Variants in KAZN observed in about 807,000 individuals in gnomAD.
KAZN encodes the protein kazrin.
KAZN carries 40 observed loss-of-function variants against 87.4 expected under a neutral mutation model. The observed-to-expected ratio is 0.46, with a 90% CI of 0.36 to 0.60. The LOEUF (loss-of-function observed/expected upper bound fraction) is 0.60, where lower values mean the gene tolerates loss of function less well. Ranked by LOEUF, KAZN falls within the 20% of genes least tolerant of loss-of-function variation. The probability of loss-of-function intolerance (pLI) is 0.00; values close to 1 mark genes in which losing one functional copy is unlikely to be tolerated. For missense variants in KAZN, 898 were observed against 1,073.9 expected (o/e 0.84, Z 2.29); for synonymous variants, 466 against 458.3 (o/e 1.02, Z -0.22).
chr1:14,853,868 G>A (rs956746836), intron 1 of KAZN, among the ~76,000 whole-genome samples: 3 of 152,162 alleles, frequency 2.0e-5, no homozygotes, highest in African/African-American at 4.8e-5. Context: ...GATGGGGAAC[G>A]GTGGCCTGTG....
intron 1 of KAZN, among the ~76,000 whole-genome samples, chr1:14,885,068 G>A (rs765517692): frequency 6.6e-6 from 1 of 152,200 alleles, no homozygotes; most frequent in African/African-American, 2.4e-5. Flanking sequence ...ATTATCCGTC[G>A]GTATCAAGCA....
chr1:14,058,637 T>A (rs917542817), intron 1 of KAZN, among the ~76,000 whole-genome samples: 1 of 152,126 alleles, frequency 6.6e-6, no homozygotes, highest in Admixed American at 6.5e-5. Flanking sequence ...ATCTCAATAG[T>A]TCAGGAACTA....
Position 15,094,443 on chromosome 1 carries a change from A to G in KAZN, c.1428+58A>G, listed in dbSNP as rs1573293148. On this transcript the variant is annotated intron_variant, in intron 9 of 14. Coordinates refer to ENST00000376030, the MANE Select transcript of KAZN (RefSeq NM_201628.3). This position sits in a 1 kb window ranked among gnomAD's most constrained non-coding sequence, Gnocchi z 4.5. ...CCCATGCCCTCTGTGAGCTTTACGT[A>G]CCCAGAAGCTGGCCTGCCCCCCACT... is the stretch of plus-strand genomic sequence containing the variant. 1.3e-6 allele frequency: 2 copies of G among 1,492,116 alleles called. No homozygotes were observed. The highest frequency in any genetic ancestry group is 1.4e-5 in the African/African-American group (1 of 72,282). The allele number at this position is 1,492,116 out of a possible 1,614,324, so 92.4% of individuals were successfully genotyped here.
intron 1 of KAZN, among the ~76,000 whole-genome samples, chr1:14,898,128 A>G (rs1003847809): frequency 2.0e-5 from 3 of 152,208 alleles, no homozygotes; most frequent in African/African-American, 4.8e-5. Context: ...GTTATAAGCG[A>G]GAATCCATTA....
At chr1:15,002,567 C>T (rs1443252774) in intron 2 of KAZN, among the ~76,000 whole-genome samples, 4 of 152,174 alleles carry the variant, frequency 2.6e-5, no homozygotes, top group Non-Finnish European at 4.4e-5. Flanking sequence ...TTCCCGGAAC[C>T]TAAGTTTCCT....
At chr1:14,421,102 A>G (rs1665393887) in intron 2 of KAZN, among the ~76,000 whole-genome samples, 1 of 152,236 alleles carries the variant, frequency 6.6e-6, no homozygotes, top group South Asian at 2.1e-4. Context: ...GGTCTTAAAC[A>G]CTATGCCTTA....
chr1:14,353,797 AG>A (rs1658763325), intron 2 of KAZN, among the ~76,000 whole-genome samples: 1 of 152,230 alleles, frequency 6.6e-6, no homozygotes, highest in Admixed American at 6.5e-5. Context: ...CTAAGTATAA[AG>A]ATATGCCATC....
At chr1:14,586,022 C>G (rs927145562) in intron 2 of KAZN, among the ~76,000 whole-genome samples, 1 of 152,174 alleles carries the variant, frequency 6.6e-6, no homozygotes, top group Non-Finnish European at 1.5e-5. Context: ...CAGCTGTTCC[C>G]TAGTGGGGGT....
intron 2 of KAZN, among the ~76,000 whole-genome samples, chr1:14,181,377 G>T (rs1222593078): frequency 6.6e-6 from 1 of 152,228 alleles, no homozygotes; most frequent in East Asian, 1.9e-4. Context: ...CAGCATTGCT[G>T]AGGTCAGAAT....
intron 2 of KAZN, among the ~76,000 whole-genome samples, chr1:14,436,510 G>A (rs571039904): frequency 6.6e-5 from 10 of 151,862 alleles, no homozygotes; most frequent in African/African-American, 2.2e-4. Flanking sequence ...CTGAGGTCAG[G>A]AGTTCGAGAC....
At chr1:14,292,991 G>T (rs1024491284) in intron 2 of KAZN, among the ~76,000 whole-genome samples, 2 of 152,208 alleles carry the variant, frequency 1.3e-5, no homozygotes, top group Non-Finnish European at 2.9e-5. Context: ...GAGCATGCTG[G>T]TGAAGTGGGC....
chr1:14,925,159 A>C (rs1659035889), intron 1 of KAZN, among the ~76,000 whole-genome samples: 1 of 152,174 alleles, frequency 6.6e-6, no homozygotes, highest in Non-Finnish European at 1.5e-5. Context: ...CCAAGTGGAG[A>C]ACAGCGTTTT....
chr1:14,542,503 T>G (rs1672875726), intron 2 of KAZN, among the ~76,000 whole-genome samples: 1 of 152,176 alleles, frequency 6.6e-6, no homozygotes, highest in Admixed American at 6.5e-5. Context: ...TACTTCAGAT[T>G]TTAAGGACCC....
intron 10 of KAZN, 24 bp from the exon 11 acceptor site, chr1:15,101,517 ACT>A (rs1641069358): frequency 6.7e-7 from 1 of 1,499,156 alleles, no homozygotes; most frequent in Admixed American, 2.0e-5. Context: ...CCACCCATCC[ACT>A]CTCTGGCTAT....
At chr1:14,038,496 G>T (rs1390622681) in intron 1 of KAZN, among the ~76,000 whole-genome samples, 1 of 152,148 alleles carries the variant, frequency 6.6e-6, no homozygotes, top group Non-Finnish European at 1.5e-5. Context: ...GAGAGCAAAA[G>T]GAAATGAGGT....
At chr1:14,639,888 G>A (rs896931597) in intron 1 of KAZN, among the ~76,000 whole-genome samples, 1 of 152,034 alleles carries the variant, frequency 6.6e-6, no homozygotes, top group Non-Finnish European at 1.5e-5. Context: ...GAACCTCGCC[G>A]ACTCCCAGGA....
At chr1:14,752,233 C>T (rs889813819) in intron 1 of KAZN, among the ~76,000 whole-genome samples, 1 of 152,152 alleles carries the variant, frequency 6.6e-6, no homozygotes. Context: ...ATTAGGGATC[C>T]AACTTTAACA....
chr1:14,593,593 G>A (rs537457619), intron 2 of KAZN, among the ~76,000 whole-genome samples: 289 of 152,246 alleles, frequency 1.9e-3, no homozygotes, highest in Non-Finnish European at 3.2e-3. Context: ...TTCACCCCAG[G>A]GAGCCAAACT....
intron 1 of KAZN, among the ~76,000 whole-genome samples, chr1:14,746,461 A>G (rs1431665381): frequency 1.3e-5 from 2 of 151,910 alleles, no homozygotes; most frequent in East Asian, 3.9e-4. Flanking sequence ...ATTACTTCAA[A>G]CACCGAGAAA....
Sources: gnomAD v4.1 joint callset for allele counts (sites outside exome capture counted in the v4.1 genomes callset) on GRCh38, gnomAD v4.1.1 for gene constraint, Gnocchi (gnomAD v3.1) non-coding constraint, MANE v1.5 for transcripts, NCBI Gene and HGNC (gene_info 2026-07-23, HGNC 2026-07-21) for gene names.